Variants in POLD2 observed in about 807,000 individuals in gnomAD.
The protein encoded by POLD2 is DNA polymerase delta subunit 2.
In POLD2, 31 loss-of-function variants were observed where a neutral mutation model predicts 48.8. The ratio of observed to expected loss-of-function variants is 0.64; its 90% confidence interval spans 0.48 to 0.86. POLD2 has a LOEUF of 0.86. Among genes scored for constraint, POLD2 ranks in the 40% least tolerant of loss-of-function variants. POLD2 has a pLI of 0.00. For missense variants in POLD2, 455 were observed against 610.1 expected, an observed-to-expected ratio of 0.75 and a Z score of 2.68; for synonymous variants, 233 against 256.3, an observed-to-expected ratio of 0.91 and a Z score of 0.87.
chr7:44,118,157 A>G, intron 2 of POLD2, 93 bp from the exon 3 acceptor site: 2 of 1,374,292 alleles, frequency 1.5e-6, no homozygotes, highest in Non-Finnish European at 1.9e-6. Context: ...TGAGAGGCCA[A>G]TCACAGGGCC....
chr7:44,120,746 C>A (rs3217952), intron 2 of POLD2, among the ~76,000 whole-genome samples: 1 of 152,124 alleles, frequency 6.6e-6, no homozygotes, highest in African/African-American at 2.4e-5. Flanking sequence ...TGTAAAAGAG[C>A]CTTGCTTTCC....
At chr7:44,120,905 T>C (rs995703903) in intron 2 of POLD2, among the ~76,000 whole-genome samples, 2 of 152,170 alleles carry the variant, frequency 1.3e-5, no homozygotes, top group Non-Finnish European at 2.9e-5. Flanking sequence ...ATATCCCTAA[T>C]GAATTTGAGG....
intron 1 of POLD2, chr7:44,123,117 T>C (rs2096250381): frequency 2.4e-6 from 1 of 415,806 alleles, no homozygotes; most frequent in Non-Finnish European, 3.6e-6. Flanking sequence ...AATAATAGTT[T>C]GAATATATTT....
chr7:44,122,595 A>C, intron 1 of POLD2: 1 of 341,136 alleles, frequency 2.9e-6, no homozygotes, highest in Non-Finnish European at 4.2e-6. Flanking sequence ...AAACTCTCCA[A>C]AGTGTCCTCA....
At chr7:44,117,540 C>G in intron 4 of POLD2, 79 bp downstream of exon 4, 2 of 1,520,884 alleles carry the variant, frequency 1.3e-6, no homozygotes, top group African/African-American at 1.4e-5. Flanking sequence ...CCCCCAGGCT[C>G]CCCACTCACA....
In POLD2 at chr7:44,114,744, G is replaced by T. The variant is rs56204827; in HGVS notation, c.*41C>A. ...ATGCCGACACTGCAGGGAATGAACA[G>T]CCTCCATCTGGGCCTCTCTGGTCAA... is the stretch of plus-strand genomic sequence containing the variant. On this transcript the variant is annotated 3_prime_UTR_variant, in exon 11 of 11. Coordinates refer to ENST00000610533, the MANE Select transcript of POLD2 (RefSeq NM_006230.4). 3 of 1,569,204 alleles carry T rather than the reference G, an allele frequency of 1.9e-6. No homozygotes were observed. The African/African-American group carries it at 4.1e-5, about 21-fold the overall frequency.
rs1211101117 is a variant in POLD2, at chr7:44,121,994, G to A, written c.60C>T (p.Asn20=). Residue 20 remains asparagine, a synonymous_variant, in exon 2 of 11, where the codon AAC becomes AAT. Coordinates refer to ENST00000610533, the MANE Select transcript of POLD2 (RefSeq NM_006230.4). The surrounding 1 kb of genome is among the most constrained non-coding windows in gnomAD (Gnocchi z 4.5). ...CTGGCACCCGGGCAAAGGTGGCATT[G>A]TTGGCTGATGGTGGGGACAGTAGAG... The part of the protein sequence containing the change: ...AHTLLSPPSA[N]NATFARVPVA... 1 of 1,613,852 alleles carries A rather than the reference G, an allele frequency of 6.2e-7. No homozygotes were observed. Among genetic ancestry groups the A allele is most frequent in the Non-Finnish European group, 8.5e-7 (1 of 1,180,050 alleles).
intron 2 of POLD2, among the ~76,000 whole-genome samples, chr7:44,119,212 T>A (rs1404827010): frequency 1.3e-5 from 2 of 151,958 alleles, no homozygotes; most frequent in Non-Finnish European, 2.9e-5. Flanking sequence ...GGCTTGGCAC[T>A]CTCGAGAAGA....
chr7:44,114,811 G>A lies in POLD2; in HGVS notation c.1384C>T (p.Leu462=), dbSNP rs1382454895. ...CAGGGGCCCAGCCCCAGGCCTCCCA[G>A]GTCATCGTCCTCTGCCCCGAAGCCC... The part of the protein sequence containing the change: ...FSGFGAEDDD[L]GGLGLGP The change falls in exon 11 of 11, where the codon CTG becomes TTG. Residue 462 remains leucine (L), a synonymous_variant. Transcript: ENST00000610533. 4 of 1,612,078 alleles carry A rather than the reference G, an allele frequency of 2.5e-6. No individual in the cohort carries two copies. Among genetic ancestry groups the A allele is most frequent in the Non-Finnish European group, 3.4e-6 (4 of 1,178,448 alleles).
At chr7:44,117,437 C>G (rs369920032) in intron 4 of POLD2, 182 bp downstream of exon 4, 1 of 785,144 alleles carries the variant, frequency 1.3e-6, no homozygotes, top group Non-Finnish European at 2.0e-6. Context: ...CATCTCCCAG[C>G]CAGGTCTCAC....
At chr7:44,115,693 G>A in intron 9 of POLD2, 73 bp downstream of exon 9, 1 of 1,528,842 alleles carries the variant, frequency 6.5e-7, no homozygotes, top group Non-Finnish European at 8.9e-7. Context: ...CCCACAGGGG[G>A]ACCCTGTGCA....
chr7:44,117,617 A>G lies in POLD2; in HGVS notation c.466+2T>C, dbSNP rs748920875. 1.2e-6 allele frequency: 2 copies of G among 1,600,820 alleles called. No individual in the cohort carries two copies. Among genetic ancestry groups the G allele is most frequent in the Non-Finnish European group, 1.7e-6 (2 of 1,173,430 alleles). ...CCCACATCCTCTCATTGGGCTCCCT[A>G]CCCGTAACCAGCTTTGACACGTCAA... On this transcript the variant is annotated splice_donor_variant, in intron 4 of 10. Coordinates refer to ENST00000610533, the MANE Select transcript of POLD2 (RefSeq NM_006230.4). LOFTEE classifies it high-confidence loss of function.
At position 44,115,324 on chromosome 7, in the gene POLD2, G is replaced by T. The variant is rs530029438; in HGVS notation, c.1220C>A (p.Thr407Asn). The change falls in exon 10 of 11, where the codon ACC becomes AAC. Residue 407 changes from threonine (T) to asparagine (N), a missense_variant. Physicochemically the swap from Thr to Asn is moderately conservative, Grantham distance 65. Transcript: ENST00000610533. ...ECPHVYFCGNTPSFGSKIIRG... is the reference protein window; with the variant it reads ...ECPHVYFCGNNPSFGSKIIRG... ...GATGATTTTGGAGCCAAAGCTGGGGGTGTTGCCACAAAAGTAGACATGCGG... is the reference window on the plus strand; with the variant it reads ...GATGATTTTGGAGCCAAAGCTGGGGTTGTTGCCACAAAAGTAGACATGCGG... The T allele has an allele frequency of 7.2e-5, 116 of 1,613,654 alleles. No homozygotes were observed. The highest frequency in any genetic ancestry group is 9.7e-5 in the Non-Finnish European group (114 of 1,179,590).
chr7:44,122,432 G>C, intron 1 of POLD2: 11 of 1,077,662 alleles, frequency 1.0e-5, no homozygotes, highest in Non-Finnish European at 1.2e-5. Context: ...TGGAATTCCC[G>C]ATCTGCCTCC....
rs147202391 is a variant in POLD2, at chr7:44,117,212, C to T, written c.502G>A (p.Asp168Asn). ...TAGTCCTCCACCAGAAACTTCCCGTCGTCTCTCACGGAGCCAAACACAGCC... is the reference window on the plus strand; with the variant it reads ...TAGTCCTCCACCAGAAACTTCCCGTTGTCTCTCACGGAGCCAAACACAGCC... ...VLAVFGSVRD[D>N]GKFLVEDYCF... The change falls in exon 5 of 11, where the codon GAC becomes AAC. Residue 168 changes from aspartate (D) to asparagine (N), a missense_variant. Asp to Asn is a conservative substitution (Grantham distance 23). Coordinates refer to ENST00000610533, the MANE Select transcript of POLD2 (RefSeq NM_006230.4). 5.0e-6 allele frequency: 8 copies of T among 1,614,010 alleles called. No homozygotes were observed. Among genetic ancestry groups the T allele is most frequent in the Admixed American group, 1.7e-5 (1 of 60,012 alleles).
chr7:44,123,618 G>A (rs2128813482), upstream of POLD2: 6 of 1,413,582 alleles, frequency 4.2e-6, no homozygotes, highest in Non-Finnish European at 5.5e-6. Context: ...CTCACCAATC[G>A]CTGCCCTCCT....
intron 9 of POLD2, 27 bp from the exon 10 acceptor site, chr7:44,115,423 AG>A: frequency 7.1e-7 from 1 of 1,405,228 alleles, no homozygotes; most frequent in Non-Finnish European, 1.0e-6. Flanking sequence ...AGCTCTGAGG[AG>A]GGTTCCGCCT....
intron 1 of POLD2, chr7:44,122,333 A>T: frequency 7.5e-7 from 1 of 1,331,492 alleles, no homozygotes; most frequent in Middle Eastern, 2.7e-4. Context: ...TGTTTGTCCC[A>T]TCTGGAGTTC....
Position 44,116,780 on chromosome 7 carries a change from T to C in POLD2, c.780+37A>G, listed in dbSNP as rs1168199489. ...AGGGTCTTACAGGCTTGCAGGCTCCTGGGCTGGGGCTGAATGCAGCCAGGT... is the reference window on the plus strand; with the variant it reads ...AGGGTCTTACAGGCTTGCAGGCTCCCGGGCTGGGGCTGAATGCAGCCAGGT... On this transcript the variant is annotated intron_variant, in intron 6 of 10. Transcript: ENST00000610533. The surrounding 1 kb of genome is among the most constrained non-coding windows in gnomAD (Gnocchi z 6.1). The C allele has an allele frequency of 5.6e-6, 9 of 1,605,802 alleles. No individual in the cohort carries two copies. Among genetic ancestry groups the C allele is most frequent in the Non-Finnish European group, 6.8e-6 (8 of 1,174,664 alleles).
Sources: gnomAD v4.1 joint callset for allele counts (sites outside exome capture counted in the v4.1 genomes callset) on GRCh38, gnomAD v4.1.1 for gene constraint, Gnocchi (gnomAD v3.1) non-coding constraint, MANE v1.5 for transcripts, NCBI Gene and HGNC (gene_info 2026-07-23, HGNC 2026-07-21) for gene names.